Variants in GPHN observed in about 807,000 individuals in gnomAD.
The protein encoded by GPHN is gephyrin.
In GPHN, 17 loss-of-function variants were observed where a neutral mutation model predicts 95.5. The ratio of observed to expected loss-of-function variants is 0.18; its 90% confidence interval spans 0.12 to 0.27. GPHN has a LOEUF of 0.27. GPHN is among the 10% of genes least tolerant of loss of function. GPHN has a pLI of 1.00. For missense variants in GPHN, 660 were observed against 978.1 expected (o/e 0.67, Z 4.34); for synonymous variants, 320 against 322.5 (o/e 0.99, Z 0.08).
chr14:66,683,970 C>T (rs1023353277), intron 2 of GPHN, among the ~76,000 whole-genome samples: 79 of 147,934 alleles, frequency 5.3e-4, no homozygotes, highest in Middle Eastern at 3.4e-3. Flanking sequence ...AGCAAGACTC[C>T]GTCTCAAAAA....
the GPHN span, among the ~76,000 whole-genome samples, chr14:67,366,081 CTTT>C: frequency 3.5e-5 from 5 of 141,032 alleles, no homozygotes; most frequent in Admixed American, 1.4e-4. Flanking sequence ...TAATCTTGTA[CTTT>C]TTTTTTTTTT....
At chr14:67,002,182 G>T (rs185692193) in intron 9 of GPHN, among the ~76,000 whole-genome samples, 57 of 151,412 alleles carry the variant, frequency 3.8e-4, no homozygotes, top group Non-Finnish European at 7.3e-4. Flanking sequence ...ATGCATTAAG[G>T]CTTAATTCTC....
intron 2 of GPHN, among the ~76,000 whole-genome samples, chr14:66,688,039 A>C (rs2067515215): frequency 6.6e-6 from 1 of 152,188 alleles, no homozygotes; most frequent in East Asian, 1.9e-4. Context: ...GCTACTGTTG[A>C]CTGGAATCCT....
intron 2 of GPHN, among the ~76,000 whole-genome samples, chr14:66,732,313 A>C (rs1306880789): frequency 6.6e-6 from 1 of 152,212 alleles, no homozygotes; most frequent in Non-Finnish European, 1.5e-5. Context: ...AAGCTGCCCA[A>C]GGCTGTGGGA....
intron 2 of GPHN, among the ~76,000 whole-genome samples, chr14:66,743,388 A>C (rs1226327424): frequency 6.6e-6 from 1 of 152,166 alleles, no homozygotes; most frequent in Non-Finnish European, 1.5e-5. Flanking sequence ...TATATCCAGC[A>C]AACTCCCTTA....
intron 3 of GPHN, among the ~76,000 whole-genome samples, chr14:66,792,983 G>A (rs202085355): frequency 6.6e-6 from 1 of 152,096 alleles, no homozygotes; most frequent in Non-Finnish European, 1.5e-5. Flanking sequence ...GGCACAGATC[G>A]CTCATGCTAT....
the GPHN span, chr14:67,581,072 C>G: frequency 7.4e-7 from 1 of 1,353,268 alleles, no homozygotes; most frequent in Non-Finnish European, 1.1e-6. Flanking sequence ...GGGCCAAACA[C>G]AAGGGCTGCC....
chr14:67,692,924 G>A, the GPHN span: 2 of 1,554,652 alleles, frequency 1.3e-6, no homozygotes, highest in African/African-American at 1.4e-5. Flanking sequence ...TTGAAAGGAG[G>A]TGAACTTGCC....
intron 1 of GPHN, among the ~76,000 whole-genome samples, chr14:66,548,086 T>C (rs923230784): frequency 3.9e-5 from 6 of 152,154 alleles, no homozygotes; most frequent in African/African-American, 1.4e-4. Context: ...TTCTGTGTCA[T>C]GTTTTTGTAA....
intron 4 of GPHN, among the ~76,000 whole-genome samples, chr14:66,825,400 T>A (rs1383094675): frequency 6.6e-6 from 1 of 152,162 alleles, no homozygotes; most frequent in African/African-American, 2.4e-5. Context: ...ACAAGGTACT[T>A]TTGCTCTGCA....
intron 3 of GPHN, among the ~76,000 whole-genome samples, chr14:66,793,070 AACCC>A (rs2060031469): frequency 6.6e-6 from 1 of 152,254 alleles, no homozygotes; most frequent in African/African-American, 2.4e-5. Flanking sequence ...CATTCCCGTA[AACCC>A]ACAACCTTCC....
At chr14:66,554,252 C>G (rs1175352725) in intron 1 of GPHN, among the ~76,000 whole-genome samples, 1 of 152,148 alleles carries the variant, frequency 6.6e-6, no homozygotes, top group Non-Finnish European at 1.5e-5. Context: ...TTCTATAGAA[C>G]AACAGCCAGT....
chr14:66,870,609 A>G (rs899424981), intron 4 of GPHN, among the ~76,000 whole-genome samples: 1 of 152,178 alleles, frequency 6.6e-6, no homozygotes, highest in African/African-American at 2.4e-5. Context: ...TTACCCAAAT[A>G]CATAAATACA....
At chr14:67,538,926 G>A in the GPHN span, among the ~76,000 whole-genome samples, 1 of 152,182 alleles carries the variant, frequency 6.6e-6, no homozygotes, top group East Asian at 1.9e-4. Context: ...AGTACTTGGA[G>A]ATTTTGATAA....
At chr14:66,518,374 T>G (rs2058339541) in intron 1 of GPHN, among the ~76,000 whole-genome samples, 1 of 152,080 alleles carries the variant, frequency 6.6e-6, no homozygotes, top group African/African-American at 2.4e-5. Context: ...AGGGACCTCT[T>G]ATATACTGTT....
chr14:67,183,978 T>C (rs1032259743), downstream of GPHN, among the ~76,000 whole-genome samples: 1 of 151,980 alleles, frequency 6.6e-6, no homozygotes, highest in Admixed American at 6.6e-5. Flanking sequence ...CTCAGCCTCC[T>C]GAGTAGCTGG....
intron 8 of GPHN, among the ~76,000 whole-genome samples, chr14:66,928,385 T>A (rs2066602848): frequency 6.6e-6 from 1 of 152,148 alleles, no homozygotes; most frequent in Non-Finnish European, 1.5e-5. Flanking sequence ...TCCTTTTTCA[T>A]CTCTGATTTT....
the GPHN span, among the ~76,000 whole-genome samples, chr14:67,694,389 C>A: frequency 6.6e-6 from 1 of 151,268 alleles, no homozygotes; most frequent in Non-Finnish European, 1.5e-5. Context: ...CAGCTCTGGC[C>A]CGACTCCCAT....
chr14:67,727,462 G>T, the GPHN span: 1 of 393,518 alleles, frequency 2.5e-6, no homozygotes, highest in Non-Finnish European at 4.7e-6. Context: ...TTTTGCAACA[G>T]ACAGAGGCTT....
Sources: allele counts gnomAD v4.1 joint callset (sites outside exome capture counted in the v4.1 genomes callset), GRCh38; gene constraint gnomAD v4.1.1; transcripts MANE v1.5; gene names NCBI Gene and HGNC (gene_info 2026-07-23, HGNC 2026-07-21).